The following PRKAG2 variants were observed in gnomAD, a reference collection of about 807,000 sequenced individuals.
PRKAG2 encodes the protein 5'-AMP-activated protein kinase subunit gamma-2.
Under a neutral mutation model 69.6 loss-of-function variants are expected in PRKAG2, and 26 were observed. That is an observed-to-expected ratio of 0.37 (90% CI 0.27 to 0.52). The LOEUF is 0.52. Ranked by LOEUF, PRKAG2 falls within the 20% of genes least tolerant of loss-of-function variation. The pLI is 0.90. For missense variants in PRKAG2, 557 were observed against 740.0 expected (o/e 0.75, Z 2.87); for synonymous variants, 293 against 285.0 (o/e 1.03, Z -0.28).
At chr7:151,870,982 C>T (rs2080208051) in intron 1 of PRKAG2, among the ~76,000 whole-genome samples, 1 of 152,216 alleles carries the variant, frequency 6.6e-6, no homozygotes, top group Non-Finnish European at 1.5e-5. Context: ...ATGCCCCACT[C>T]AGCAGCAACC....
chr7:151,850,280 G>T lies in PRKAG2; in HGVS notation c.114+26227C>A, dbSNP rs931749262. On this transcript the variant is annotated intron_variant, in intron 1 of 15. Coordinates refer to ENST00000287878, the MANE Select transcript of PRKAG2 (RefSeq NM_016203.4). This position sits in a 1 kb window ranked among gnomAD's most constrained non-coding sequence, Gnocchi z 4.1. ...GAGGTACAGTCCCCTCACCTAGAACGCTTCTTGAGTGTTTAATGGAAAGAC... is the reference window on the plus strand; with the variant it reads ...GAGGTACAGTCCCCTCACCTAGAACTCTTCTTGAGTGTTTAATGGAAAGAC... Among the ~76,000 whole-genome samples the T allele has an allele frequency of 1.3e-5, 2 of 152,222 alleles. No homozygotes were observed. The highest frequency in any genetic ancestry group is 2.9e-5 in the Non-Finnish European group (2 of 68,040).
At position 151,801,973 on chromosome 7, in the gene PRKAG2, C is replaced by T. The variant is rs145055825; in HGVS notation, c.115-15432G>A. Among the ~76,000 whole-genome samples, 706 of 152,220 alleles carry T rather than the reference C, an allele frequency of 4.6e-3. 5 individuals carry two copies. Among genetic ancestry groups the T allele is most frequent in the Middle Eastern group, 0.017 (5 of 294 alleles). On this transcript the variant is annotated intron_variant, in intron 1 of 15. Transcript: ENST00000287878. ...CCTGGTCACTGAGGTGTCCCTGACT[C>T]GTGTCCTGTGTGCAGGATGGAGTCT...
intron 1 of PRKAG2, among the ~76,000 whole-genome samples, chr7:151,793,285 C>G (rs6972910): frequency 0.55 from 82,924 of 152,122 alleles, 25,484 homozygotes; most frequent in African/African-American, 0.85. Flanking sequence ...CGTGCACCGC[C>G]GGGGAAGGAA....
In PRKAG2 at chr7:151,876,561, G is replaced by C; in HGVS notation, c.60C>G (p.Ser20Arg). 1 of 1,610,124 alleles carries C rather than the reference G, an allele frequency of 6.2e-7. No homozygotes were observed. The highest frequency in any genetic ancestry group is 8.5e-7 in the Non-Finnish European group (1 of 1,179,966). ...KKKDVSSPGG[S>R]GGKKNASQKR... ...TCTGGCTGGCATTTTTCTTGCCGCC[G>C]CTCCCGCCGGGGCTGGAAACATCTT... The change falls in exon 1 of 16, where the codon AGC (serine) becomes AGG (arginine). Residue 20 changes from serine to arginine, a missense_variant. Coordinates refer to ENST00000287878, the MANE Select transcript of PRKAG2 (RefSeq NM_016203.4).
chr7:151,820,496 C>A (rs2078742690), intron 1 of PRKAG2, among the ~76,000 whole-genome samples: 1 of 101,142 alleles, frequency 9.9e-6, no homozygotes, highest in Non-Finnish European at 2.1e-5. Flanking sequence ...GAACACCGCT[C>A]CGTGGCCTGG....
chr7:151,620,562 C>T (rs1362505304), intron 5 of PRKAG2, among the ~76,000 whole-genome samples: 1 of 151,992 alleles, frequency 6.6e-6, no homozygotes, highest in Non-Finnish European at 1.5e-5. Context: ...ACTGCAACCT[C>T]AAATGGCCAG....
chr7:151,568,073 A>G (rs1001599052), intron 11 of PRKAG2, among the ~76,000 whole-genome samples: 3 of 152,268 alleles, frequency 2.0e-5, no homozygotes, highest in Non-Finnish European at 4.4e-5. Flanking sequence ...AAAGACAAAC[A>G]TAAAAAGCCT....
chr7:151,829,410 G>A (rs2078974124), intron 1 of PRKAG2, among the ~76,000 whole-genome samples: 1 of 152,126 alleles, frequency 6.6e-6, no homozygotes, highest in Non-Finnish European at 1.5e-5. Context: ...TCATATTGCT[G>A]GGAATTGCTG....
chr7:151,612,040 G>A (rs1398582433), intron 5 of PRKAG2, among the ~76,000 whole-genome samples: 5 of 152,284 alleles, frequency 3.3e-5, no homozygotes, highest in African/African-American at 4.8e-5. Context: ...GTGAGACTCC[G>A]TCAGCACCAA....
intron 5 of PRKAG2, among the ~76,000 whole-genome samples, chr7:151,627,423 C>A (rs538031721): frequency 2.0e-5 from 3 of 152,004 alleles, no homozygotes; most frequent in African/African-American, 7.2e-5. Context: ...GCCAGGAGTT[C>A]GAGACCAGCC....
intron 2 of PRKAG2, among the ~76,000 whole-genome samples, chr7:151,783,497 G>A (rs1187973795): frequency 9.0e-6 from 1 of 111,508 alleles, no homozygotes; most frequent in Non-Finnish European, 1.9e-5. Flanking sequence ...TCCATGCCCA[G>A]CTGATTTTTT....
intron 1 of PRKAG2, among the ~76,000 whole-genome samples, chr7:151,834,343 C>T (rs749495170): frequency 1.3e-5 from 2 of 152,316 alleles, no homozygotes; most frequent in African/African-American, 2.4e-5. Context: ...AGGTGATTCC[C>T]GTTACTCAAG....
intron 1 of PRKAG2, among the ~76,000 whole-genome samples, chr7:151,849,187 G>T (rs1358712096): frequency 2.0e-5 from 3 of 152,260 alleles, no homozygotes; most frequent in Non-Finnish European, 4.4e-5. Context: ...CTGCCTGGCA[G>T]GCCGCAGGCC....
rs932936443 is a variant in PRKAG2, at chr7:151,818,920, T to C, written c.115-32379A>G. Among the ~76,000 whole-genome samples the C allele has an allele frequency of 5.7e-4, 87 of 152,224 alleles. 2 individuals are homozygous for C. Among genetic ancestry groups the C allele is most frequent in the Non-Finnish European group, 5.9e-5 (4 of 68,036 alleles). On this transcript the variant is annotated intron_variant, in intron 1 of 15. Transcript: ENST00000287878. ...CCCTGTACTCATGAACTCTGTGCAATATGCCAGGTCCTGTGGTTGCTTCTG... is the reference window on the plus strand; with the variant it reads ...CCCTGTACTCATGAACTCTGTGCAACATGCCAGGTCCTGTGGTTGCTTCTG...
intron 3 of PRKAG2, among the ~76,000 whole-genome samples, chr7:151,727,647 A>T (rs1488159112): frequency 6.7e-6 from 1 of 149,354 alleles, no homozygotes; most frequent in Non-Finnish European, 1.5e-5. Context: ...TCCAGACTGC[A>T]GCCACTCCCT....
In PRKAG2 at chr7:151,807,876, C is replaced by T. The variant is rs866874272; in HGVS notation, c.115-21335G>A. 2.0e-5 allele frequency among the ~76,000 whole-genome samples: 3 copies of T among 152,078 alleles called. No individual in the cohort carries two copies. The highest frequency in any genetic ancestry group is 4.8e-5 in the African/African-American group (2 of 41,406). On this transcript the variant is annotated intron_variant, in intron 1 of 15. Transcript: ENST00000287878. This position sits in a 1 kb window ranked among gnomAD's most constrained non-coding sequence, Gnocchi z 4.4. ...GGAGACAACGGCCAAACAGAAAAAC[C>T]GCTTGGAGAATAAAAGTCGGGGGAA...
rs538780741 is a variant in PRKAG2 at position 151,729,845 on chromosome 7, C to T, written c.466+51307G>A. On this transcript the variant is annotated intron_variant, in intron 3 of 15. Coordinates refer to ENST00000287878, the MANE Select transcript of PRKAG2 (RefSeq NM_016203.4). ...GCCCTCTCCCCATCACCCACTGAAC[C>T]GACCCCTCGCCCTGCCTCCACGGCA... is the stretch of plus-strand genomic sequence containing the variant. Among the ~76,000 whole-genome samples the T allele has an allele frequency of 4.6e-5, 7 of 152,324 alleles. No individual in the cohort carries two copies. In the South Asian group the frequency reaches 6.2e-4, roughly 14 times the overall value.
intron 3 of PRKAG2, among the ~76,000 whole-genome samples, chr7:151,689,561 C>T (rs551767820): frequency 6.6e-6 from 1 of 152,328 alleles, no homozygotes; most frequent in African/African-American, 2.4e-5. Flanking sequence ...GAGAAGGCGG[C>T]AGAGGCGGGG....
At chr7:151,674,899 T>A (rs545922505) in intron 4 of PRKAG2, 12 of 180,290 alleles carry the variant, frequency 6.7e-5, no homozygotes, top group East Asian at 5.7e-4. Context: ...GTCCCAGATG[T>A]TACCATTTTT....
Sources: allele counts gnomAD v4.1 joint callset (sites outside exome capture counted in the v4.1 genomes callset), GRCh38; gene constraint gnomAD v4.1.1; non-coding constraint Gnocchi (gnomAD v3.1); transcripts MANE v1.5; gene names NCBI Gene and HGNC (gene_info 2026-07-23, HGNC 2026-07-21).